Variants in TRPM7 observed in about 807,000 individuals in gnomAD.
TRPM7 encodes transient receptor potential cation channel subfamily M member 7.
Under a neutral mutation model 229.7 loss-of-function variants are expected in TRPM7, and 134 were observed. That is an observed-to-expected ratio of 0.58 (90% CI 0.51 to 0.67). The LOEUF (loss-of-function observed/expected upper bound fraction) is 0.67. TRPM7 is among the 30% of genes least tolerant of loss of function. The probability of loss-of-function intolerance (pLI) is 0.00; values close to 1 mark genes in which losing one functional copy is unlikely to be tolerated. For synonymous variants in TRPM7, 699 were observed against 715.2 expected, an observed-to-expected ratio of 0.98 and a Z score of 0.36; for missense variants, 1,901 against 2,210.0, an observed-to-expected ratio of 0.86 and a Z score of 2.80.
At chr15:50,624,429 C>A in intron 11 of TRPM7, 129 bp from the exon 12 acceptor site, 1 of 762,238 alleles carries the variant, frequency 1.3e-6, no homozygotes, top group South Asian at 2.8e-5. Flanking sequence ...TAGAAAGATG[C>A]AACACAGTAA....
intron 38 of TRPM7, among the ~76,000 whole-genome samples, chr15:50,564,755 CTATAT>C (rs1265119918): frequency 1.3e-5 from 2 of 151,984 alleles, no homozygotes; most frequent in Middle Eastern, 3.4e-3. Context: ...AAGAAACAGC[CTATAT>C]TAAACAATCC....
chr15:50,609,858 G>A lies in TRPM7; in HGVS notation c.2384C>T (p.Thr795Ile). 1 of 1,613,020 alleles carries A rather than the reference G, an allele frequency of 6.2e-7. No individual in the cohort carries two copies. Among genetic ancestry groups the A allele is most frequent in the Non-Finnish European group, 8.5e-7 (1 of 1,179,498 alleles). Residue 795 changes from threonine (T) to isoleucine (I), a missense_variant, in exon 18 of 39, where the codon ACA becomes ATA. By Grantham distance (89) the Thr-to-Ile change is moderately conservative. Around this residue, in one of 8 missense-constraint regions of TRPM7, gnomAD observed 207 missense variants for 241.5 expected, o/e 0.86. Transcript: ENST00000646667. ...AAAGTTGTTTTCGCTGTCATCCATT[G>A]TCATCTGATGAGCATCTTGAGATTG... ...IPQSQDAHQM[T>I]MDDSENNFQN...
At chr15:50,647,724 C>A (rs927183638) in intron 4 of TRPM7, among the ~76,000 whole-genome samples, 1 of 151,676 alleles carries the variant, frequency 6.6e-6, no homozygotes, top group Non-Finnish European at 1.5e-5. Context: ...CCAGCCTGGG[C>A]AACAGAGACA....
At chr15:50,602,833 C>T (rs1057209287) in intron 21 of TRPM7, among the ~76,000 whole-genome samples, 1 of 152,072 alleles carries the variant, frequency 6.6e-6, no homozygotes, top group Non-Finnish European at 1.5e-5. Context: ...AATGACGGAA[C>T]AAATGACTAG....
chr15:50,622,739 A>G (rs539632552), intron 12 of TRPM7, among the ~76,000 whole-genome samples: 51 of 152,170 alleles, frequency 3.4e-4, no homozygotes, highest in Non-Finnish European at 5.4e-4. Context: ...TACAAAAATT[A>G]GCTGGGCATG....
chr15:50,573,069 C>T (rs907552364), intron 36 of TRPM7, among the ~76,000 whole-genome samples: 1 of 152,062 alleles, frequency 6.6e-6, no homozygotes, highest in African/African-American at 2.4e-5. Context: ...TTTTTTCTTT[C>T]ATATATATGA....
intron 4 of TRPM7, among the ~76,000 whole-genome samples, chr15:50,644,667 A>C (rs1192194939): frequency 6.6e-6 from 1 of 151,796 alleles, no homozygotes; most frequent in East Asian, 1.9e-4. Flanking sequence ...GCTAGGCGTG[A>C]GTGCTTGTAA....
At chr15:50,574,167 T>C (rs529640784) in intron 36 of TRPM7, 107 bp downstream of exon 36, 16 of 884,326 alleles carry the variant, frequency 1.8e-5, no homozygotes, top group African/African-American at 1.0e-4. Context: ...ATAGCTTCTA[T>C]TGGCCTAAGA....
intron 6 of TRPM7, among the ~76,000 whole-genome samples, chr15:50,638,358 C>CA (rs60939201): frequency 7.1e-5 from 3 of 42,282 alleles, no homozygotes; most frequent in African/African-American, 3.7e-4. Flanking sequence ...GACTCCGTCT[C>CA]AAAAAAAAAA....
At position 50,648,891 on chromosome 15, in the gene TRPM7, AG is replaced by A. The variant is rs548857310; in HGVS notation, c.123-7del. On this transcript the variant is annotated splice_polypyrimidine_tract_variant and splice_region_variant and intron_variant, in intron 3 of 38. Transcript: ENST00000646667. ...CCAAGCGACCACAAAAACACCTAAA[AG>A]AAAAAGGTGAGATTAAAACACCCTT... 7.5e-6 allele frequency: 12 copies of A among 1,597,608 alleles called. No homozygotes were observed. In the South Asian group the frequency reaches 1.4e-4, roughly 18 times the overall value.
intron 2 of TRPM7, among the ~76,000 whole-genome samples, chr15:50,661,399 C>T (rs1375492317): frequency 1.3e-5 from 2 of 152,064 alleles, no homozygotes; most frequent in African/African-American, 4.8e-5. Context: ...AATAAAGCCA[C>T]CAAATGTTAT....
At chr15:50,584,001 A>T (rs2054560474) in intron 28 of TRPM7, among the ~76,000 whole-genome samples, 1 of 152,220 alleles carries the variant, frequency 6.6e-6, no homozygotes, top group Non-Finnish European at 1.5e-5. Flanking sequence ...ATCTGTTTCC[A>T]ATCTCTTCCT....
At position 50,585,216 on chromosome 15, in the gene TRPM7, C is replaced by G. The variant is rs111393090; in HGVS notation, c.4486+1176G>C. On this transcript the variant is annotated intron_variant, in intron 28 of 38. Coordinates refer to ENST00000646667, the MANE Select transcript of TRPM7 (RefSeq NM_017672.6). The stretch of plus-strand genomic sequence containing the variant: ...AGCTGGGACTACAGGCGCCCGCCAC[C>G]GCGCCCGGCTAATTTTTTGTATTTT... Among the ~76,000 whole-genome samples the G allele has an allele frequency of 1.5e-3, 230 of 152,188 alleles. 2 individuals carry two copies. The highest frequency in any genetic ancestry group is 5.2e-3 in the African/African-American group (215 of 41,530).
intron 13 of TRPM7, among the ~76,000 whole-genome samples, chr15:50,617,243 GA>G (rs1341938668): frequency 2.0e-5 from 3 of 151,386 alleles, no homozygotes; most frequent in African/African-American, 7.3e-5. Context: ...AGGCTGATAG[GA>G]GAATTGCTTG....
chr15:50,632,759 A>G (rs2292174), intron 9 of TRPM7, 110 bp downstream of exon 9: 417,550 of 1,063,710 alleles, frequency 0.39, 85,977 homozygotes, highest in Admixed American at 0.49. Flanking sequence ...TAAAGATTTC[A>G]AAGTTTAAAA....
intron 17 of TRPM7, among the ~76,000 whole-genome samples, chr15:50,610,374 C>T (rs914201846): frequency 1.3e-4 from 20 of 152,070 alleles, no homozygotes; most frequent in Non-Finnish European, 1.5e-5. Flanking sequence ...AATGTGATTA[C>T]TCAGCTTGTG....
rs1355062108 is a variant in TRPM7 at position 50,643,466 on chromosome 15, T to C, written c.409A>G (p.Ile137Val). Residue 137 changes from isoleucine to valine, a missense_variant, in exon 5 of 39, where the codon ATC (isoleucine) becomes GTC (valine). By Grantham distance (29) the Ile-to-Val change is conservative. This residue lies in a region of TRPM7 where 794 missense variants were observed against 881.9 expected (regional missense o/e 0.90). Transcript: ENST00000646667. Reference sequence around the variant, plus strand: ...TTCTGCATGCCCCCATGTACAGAGATAACAAGTTTGGGTAACTCCATTTGC... The same window carrying C: ...TTCTGCATGCCCCCATGTACAGAGACAACAAGTTTGGGTAACTCCATTTGC... ...EWQMELPKLV[I>V]SVHGGMQKFE... 1.9e-6 allele frequency: 3 copies of C among 1,614,164 alleles called. No homozygotes were observed. Among genetic ancestry groups the C allele is most frequent in the Non-Finnish European group, 1.7e-6 (2 of 1,180,030 alleles).
intron 11 of TRPM7, among the ~76,000 whole-genome samples, chr15:50,627,748 T>C (rs1048272079): frequency 6.6e-6 from 1 of 152,096 alleles, no homozygotes; most frequent in Non-Finnish European, 1.5e-5. Flanking sequence ...TTGGAATACA[T>C]GAGAAAGAGA....
intron 31 of TRPM7, among the ~76,000 whole-genome samples, chr15:50,576,217 T>C (rs190953972): frequency 2.1e-4 from 32 of 152,288 alleles, no homozygotes; most frequent in African/African-American, 7.0e-4. Flanking sequence ...AAGAAAAATC[T>C]CTCTTTGATT....
Sources: gnomAD v4.1 joint callset for allele counts (sites outside exome capture counted in the v4.1 genomes callset) on GRCh38, gnomAD v4.1.1 for gene constraint, gnomAD v4.1.1 regional missense constraint, MANE v1.5 for transcripts, NCBI Gene and HGNC (gene_info 2026-07-23, HGNC 2026-07-21) for gene names.